HOATZ: variants seen among roughly 807,000 people sequenced by gnomAD.
HOATZ encodes cilia- and flagella-associated protein HOATZ.
Under a neutral mutation model 24.9 loss-of-function variants are expected in HOATZ, and 26 were observed. The observed-to-expected ratio is 1.04, with a 90% CI of 0.76 to 1.45. The LOEUF is 1.45. Among genes scored for constraint, HOATZ ranks in the 40% most tolerant of loss-of-function variants. The pLI, the probability that HOATZ is intolerant of heterozygous loss-of-function variation, is 0.00. For missense variants in HOATZ, 226 were observed against 201.5 expected (o/e 1.12, Z -0.74); for synonymous variants, 83 against 76.6 (o/e 1.08, Z -0.43).
At position 111,514,920 on chromosome 11, in the gene HOATZ, A is replaced by G. The variant is rs776512671; in HGVS notation, c.136A>G (p.Met46Val). The change falls in exon 1 of 6, where the codon ATG becomes GTG. Residue 46 changes from methionine (M) to valine (V), a missense_variant. Met to Val is a conservative substitution (Grantham distance 21). Coordinates refer to ENST00000375618, the MANE Select transcript of HOATZ (RefSeq NM_001100388.2). ...LAKQFWISAS[M>V]YPPSESQLVL... Reference sequence around the variant, plus strand: ...TAAGCAGTTCTGGATCTCGGCGTCGATGTATCCCCCTAGCGAATCTCAGCT... The same window carrying G: ...TAAGCAGTTCTGGATCTCGGCGTCGGTGTATCCCCCTAGCGAATCTCAGCT... The G allele has an allele frequency of 1.2e-6, 2 of 1,613,902 alleles. No homozygotes were observed. The highest frequency in any genetic ancestry group is 1.1e-5 in the South Asian group (1 of 91,074).
Position 111,515,466 on chromosome 11 carries a change from T to G in HOATZ, c.227-45T>G, listed in dbSNP as rs779291081. On this transcript the variant is annotated intron_variant, in intron 1 of 5. Transcript: ENST00000375618. ...AAAAATTCAAACGCCTTTAATGTTG[T>G]TGACTTTTCCAATGATTTCTTTACT... 14 of 1,548,016 alleles carry G rather than the reference T, an allele frequency of 9.0e-6. No homozygotes were observed. In the African/African-American group the frequency reaches 1.4e-4, roughly 15 times the overall value.
intron 3 of HOATZ, among the ~76,000 whole-genome samples, chr11:111,533,188 A>G (rs762221752): frequency 2.6e-5 from 4 of 152,224 alleles, no homozygotes; most frequent in Non-Finnish European, 5.9e-5. Flanking sequence ...TCTTGCCACC[A>G]TTAGTGGCAA....
At chr11:111,536,419 A>G (rs945965141) in intron 5 of HOATZ, 5 of 193,926 alleles carry the variant, frequency 2.6e-5, no homozygotes, top group South Asian at 2.3e-4. Flanking sequence ...TTTAGTAGCA[A>G]TATATTTATT....
intron 2 of HOATZ, among the ~76,000 whole-genome samples, chr11:111,515,817 CTCA>C (rs900822985): frequency 2.6e-5 from 4 of 152,204 alleles, no homozygotes; most frequent in African/African-American, 9.7e-5. Flanking sequence ...CTCGAGCTTA[CTCA>C]TCATCTAAAG....
At chr11:111,522,371 G>A (rs973514257) in intron 3 of HOATZ, among the ~76,000 whole-genome samples, 4 of 152,098 alleles carry the variant, frequency 2.6e-5, no homozygotes, top group Non-Finnish European at 4.4e-5. Context: ...AAATCAAATC[G>A]GGTTTATTGA....
At chr11:111,536,623 G>A in intron 5 of HOATZ, 147 bp from the exon 6 acceptor site, 2 of 646,912 alleles carry the variant, frequency 3.1e-6, no homozygotes, top group South Asian at 1.8e-5. Flanking sequence ...TCACATACAA[G>A]TTTATACTTG....
At chr11:111,526,812 C>CAGGA (rs1867344743) in intron 3 of HOATZ, 2 of 152,146 alleles carry the variant, frequency 1.3e-5, no homozygotes, top group African/African-American at 2.4e-5. Context: ...ATGGGCAGAA[C>CAGGA]AGGAAAGACA....
rs1361907332 is a variant in HOATZ, at chr11:111,516,072, A to T, written c.301A>T (p.Ile101Leu). The T allele has an allele frequency of 6.2e-7, 1 of 1,601,772 alleles. No homozygotes were observed. Among genetic ancestry groups the T allele is most frequent in the Admixed American group, 1.7e-5 (1 of 59,176 alleles). ...AGACATCTTTGCCGAAGCCCTAAAG[A>T]TACAGGAATCTGAGGAGAAAGTAAA... ...NRDIFAEALK[I>L]QESEEKVKYL... is the part of the protein sequence containing the mutation. Residue 101 changes from isoleucine to leucine, a missense_variant, in exon 3 of 6, where the codon ATA (isoleucine) becomes TTA (leucine). Coordinates refer to ENST00000375618, the MANE Select transcript of HOATZ (RefSeq NM_001100388.2).
intron 3 of HOATZ, among the ~76,000 whole-genome samples, chr11:111,523,139 TG>T (rs1867289280): frequency 6.6e-6 from 1 of 152,006 alleles, no homozygotes; most frequent in Admixed American, 6.6e-5. Flanking sequence ...GATGATGTTT[TG>T]CCTCTGTGTT....
At position 111,517,992 on chromosome 11, in the gene HOATZ, C is replaced by T. The variant is rs368469366; in HGVS notation, c.339+1882C>T. On this transcript the variant is annotated intron_variant, in intron 3 of 5. Transcript: ENST00000375618. Reference sequence around the variant, plus strand: ...AACCTGTCTTCTCCTATCACTCTCCCCGCTTTCTCCTATGCTCTCTCCCCA... The same window carrying T: ...AACCTGTCTTCTCCTATCACTCTCCTCGCTTTCTCCTATGCTCTCTCCCCA... 2.5e-4 allele frequency among the ~76,000 whole-genome samples: 38 copies of T among 152,316 alleles called. No individual in the cohort carries two copies. In the South Asian group the frequency reaches 7.9e-3, roughly 32 times the overall value.
At chr11:111,524,117 A>G (rs1867304413) in intron 3 of HOATZ, among the ~76,000 whole-genome samples, 1 of 152,240 alleles carries the variant, frequency 6.6e-6, no homozygotes, top group Admixed American at 6.5e-5. Flanking sequence ...CAAATTCTGC[A>G]TGATAGCCCA....
At chr11:111,519,137 T>C in intron 3 of HOATZ, 1 of 400,634 alleles carries the variant, frequency 2.5e-6, no homozygotes, top group South Asian at 1.9e-5. Flanking sequence ...CTTCCTCATA[T>C]ATAAAAAGAG....
At chr11:111,524,326 G>A (rs116676441) in intron 3 of HOATZ, among the ~76,000 whole-genome samples, 3,275 of 152,298 alleles carry the variant, frequency 0.022, 106 homozygotes, top group African/African-American at 0.074. Flanking sequence ...TAGATGAGCA[G>A]AGCATTGCAT....
chr11:111,530,332 G>C (rs930331998), intron 3 of HOATZ, among the ~76,000 whole-genome samples: 2 of 152,118 alleles, frequency 1.3e-5, no homozygotes, highest in Non-Finnish European at 2.9e-5. Context: ...AACACACAGC[G>C]GAACTGGGAT....
At chr11:111,534,773 C>T (rs962658195) in intron 5 of HOATZ, 1 of 283,542 alleles carries the variant, frequency 3.5e-6, no homozygotes, top group Non-Finnish European at 6.6e-6. Context: ...TCATCATGCC[C>T]TCCTGACTCC....
At position 111,533,694 on chromosome 11, in the gene HOATZ, G is replaced by A. The variant is rs112128046; in HGVS notation, c.340-52G>A. ...TGGAAGAATTCTACCTTTCGTAGGC[G>A]TAAGTCTTTATTATTGAATCGAGAC... On this transcript the variant is annotated intron_variant, in intron 3 of 5. Coordinates refer to ENST00000375618, the MANE Select transcript of HOATZ (RefSeq NM_001100388.2). 4.4e-3 allele frequency: 5,520 copies of A among 1,260,264 alleles called. 23 individuals carry two copies. The highest frequency in any genetic ancestry group is 0.025 in the African/African-American group (1,432 of 57,228). 78.1% of individuals were successfully genotyped at this position (1,260,264 alleles called of 1,614,324 possible). A position where few individuals can be genotyped will look rare whatever the true frequency, so the allele number is the denominator to read the frequency against.
chr11:111,536,964 G>A lies in HOATZ; in HGVS notation c.*137G>A, dbSNP rs1257653308. The A allele has an allele frequency of 4.5e-6, 3 of 667,374 alleles. No individual in the cohort carries two copies. Among genetic ancestry groups the A allele is most frequent in the South Asian group, 1.9e-5 (1 of 52,570 alleles). 41.3% of individuals were successfully genotyped at this position (667,374 alleles called of 1,614,324 possible). ...TACAAGTTAAATACGCAGACTTCCA[G>A]GAATTTTACCAGTTAGTGAGTACTT... is the stretch of plus-strand genomic sequence containing the variant. On this transcript the variant is annotated 3_prime_UTR_variant, in exon 6 of 6. Coordinates refer to ENST00000375618, the MANE Select transcript of HOATZ (RefSeq NM_001100388.2).
intron 3 of HOATZ, among the ~76,000 whole-genome samples, chr11:111,532,306 C>G (rs895880733): frequency 6.6e-6 from 1 of 152,094 alleles, no homozygotes; most frequent in Admixed American, 6.5e-5. Flanking sequence ...TACGCCCCCC[C>G]ACATGCAAAA....
intron 2 of HOATZ, 107 bp from the exon 3 acceptor site, chr11:111,515,933 T>C: frequency 1.4e-6 from 1 of 729,914 alleles, no homozygotes; most frequent in South Asian, 2.1e-5. Context: ...TTTGTTTACC[T>C]TCCTACTCTA....
Sources: gnomAD v4.1 joint callset for allele counts (sites outside exome capture counted in the v4.1 genomes callset) on GRCh38, gnomAD v4.1.1 for gene constraint, MANE v1.5 for transcripts, NCBI Gene and HGNC (gene_info 2026-07-23, HGNC 2026-07-21) for gene names.